DSC2: variants seen among roughly 807,000 people sequenced by gnomAD.
DSC2 encodes the protein desmocollin 2.
DSC2 carries 51 observed loss-of-function variants against 87.6 expected under a neutral mutation model. The ratio of observed to expected loss-of-function variants is 0.58; its 90% confidence interval spans 0.46 to 0.74. The LOEUF (loss-of-function observed/expected upper bound fraction) is 0.74, where lower values mean the gene tolerates loss of function less well. Ranked by LOEUF, DSC2 falls within the 30% of genes least tolerant of loss-of-function variation. The pLI is 0.00. For synonymous variants in DSC2, 383 were observed against 393.2 expected, an observed-to-expected ratio of 0.97 and a Z score of 0.31; for missense variants, 1,066 against 1,089.5, an observed-to-expected ratio of 0.98 and a Z score of 0.30.
chr18:31,073,687 C>A (rs1316093531), intron 12 of DSC2, among the ~76,000 whole-genome samples: 1 of 152,180 alleles, frequency 6.6e-6, no homozygotes, highest in Non-Finnish European at 1.5e-5. Flanking sequence ...ACCATGACAT[C>A]ATGGTCCATA....
rs1412436840 is a variant in DSC2, at chr18:31,067,654, A to G, written c.*361T>C. 1 of 234,264 alleles carries G rather than the reference A, an allele frequency of 4.3e-6. No homozygotes were observed. The highest frequency in any genetic ancestry group is 8.4e-6 in the Non-Finnish European group (1 of 119,040). The allele number at this position is 234,264 out of a possible 1,614,324, so 14.5% of individuals were successfully genotyped here. On this transcript the variant is annotated 3_prime_UTR_variant, in exon 16 of 16. Coordinates refer to ENST00000280904, the MANE Select transcript of DSC2 (RefSeq NM_024422.6). ...GATAATGTTAAAGCAAGGTCTCTAC[A>G]ATTTTCCATTAGGTTGTGCTTCAAA...
At position 31,070,759 on chromosome 18, in the gene DSC2, T is replaced by C. The variant is rs956665667; in HGVS notation, c.2217A>G (p.Val739=). The C allele has an allele frequency of 6.2e-7, 1 of 1,613,956 alleles. No homozygotes were observed. The highest frequency in any genetic ancestry group is 8.5e-7 in the Non-Finnish European group (1 of 1,179,888). Residue 739 remains valine (V), a synonymous_variant, in exon 14 of 16, where the codon GTA becomes GTG. Transcript: ENST00000280904. ...CATCTCCAGGAGCTTCTGTGTTTGA[T>C]ACAATTAGGTTCTGCTGGGCTAAAT... ...PDDLAQQNLI[V]SNTEAPGDDK...
intron 7 of DSC2, among the ~76,000 whole-genome samples, chr18:31,086,059 A>T (rs1191732211): frequency 6.6e-6 from 1 of 152,150 alleles, no homozygotes; most frequent in African/African-American, 2.4e-5. Context: ...GAATATATAA[A>T]TATCTTTTTA....
chr18:31,088,778 G>A (rs1034689793), intron 5 of DSC2, among the ~76,000 whole-genome samples: 2 of 152,060 alleles, frequency 1.3e-5, no homozygotes, highest in Non-Finnish European at 2.9e-5. Context: ...CATTGCCAGG[G>A]TACTGAGGTT....
At chr18:31,101,537 G>T in intron 1 of DSC2, 1 of 233,638 alleles carries the variant, frequency 4.3e-6, no homozygotes, top group Non-Finnish European at 8.2e-6. Flanking sequence ...CTCCCGCCCC[G>T]GCGCACTCCC....
intron 9 of DSC2, among the ~76,000 whole-genome samples, chr18:31,081,272 T>C (rs2144816631): frequency 6.6e-6 from 1 of 152,328 alleles, no homozygotes; most frequent in Middle Eastern, 3.4e-3. Context: ...TATGTGTGTC[T>C]TCCATTCCAG....
In DSC2 at chr18:31,069,151, A is replaced by G. The variant is rs1255942600; in HGVS notation, c.2251T>C (p.Tyr751His). ...TGGGTTGTGAAGCCATTCGCAGAAT[A>G]CTGAAATGAAAACAATTTGCATTAG... Reference protein sequence around the residue: ...NTEAPGDDKVYSANGFTTQTV... With the variant: ...NTEAPGDDKVHSANGFTTQTV... Residue 751 changes from tyrosine to histidine, a missense_variant and splice_region_variant, in exon 15 of 16, where the codon TAT becomes CAT. Coordinates refer to ENST00000280904, the MANE Select transcript of DSC2 (RefSeq NM_024422.6). 6.2e-7 allele frequency: 1 copy of G among 1,614,036 alleles called. No individual in the cohort carries two copies. The highest frequency in any genetic ancestry group is 1.3e-5 in the African/African-American group (1 of 74,932).
At chr18:31,073,798 A>G (rs1417672388) in intron 12 of DSC2, among the ~76,000 whole-genome samples, 1 of 152,192 alleles carries the variant, frequency 6.6e-6, no homozygotes, top group Non-Finnish European at 1.5e-5. Context: ...CATTTTTGCC[A>G]TACTTATCAC....
chr18:31,081,988 G>A (rs768620057), intron 9 of DSC2, among the ~76,000 whole-genome samples: 37 of 151,544 alleles, frequency 2.4e-4, no homozygotes, highest in Non-Finnish European at 5.2e-4. Context: ...GCTAGTTTTT[G>A]AACCATTTAA....
At chr18:31,080,407 G>A in intron 9 of DSC2, 55 bp from the exon 10 acceptor site, 1 of 1,592,224 alleles carries the variant, frequency 6.3e-7, no homozygotes, top group Non-Finnish European at 8.6e-7. Flanking sequence ...ATTTGGCAAT[G>A]CTAACGAGTA....
intron 11 of DSC2, among the ~76,000 whole-genome samples, chr18:31,079,513 C>T (rs1375583537): frequency 6.6e-6 from 1 of 152,098 alleles, no homozygotes; most frequent in Non-Finnish European, 1.5e-5. Flanking sequence ...CCTTAGCCTC[C>T]CAAAGTGCTG....
intron 1 of DSC2, among the ~76,000 whole-genome samples, chr18:31,099,052 AAAC>A (rs1383919885): frequency 6.6e-6 from 1 of 152,226 alleles, no homozygotes; most frequent in Non-Finnish European, 1.5e-5. Context: ...ACTAAAAGAA[AAAC>A]AACATTGTTT....
In DSC2 at chr18:31,087,825, G is replaced by A. The variant is rs1987457076; in HGVS notation, c.631-12C>T. 1.2e-6 allele frequency: 2 copies of A among 1,613,190 alleles called. No individual in the cohort carries two copies. Among genetic ancestry groups the A allele is most frequent in the Non-Finnish European group, 8.5e-7 (1 of 1,179,468 alleles). Reference sequence around the variant, plus strand: ...GCAAAGGCAATTATCTGTGAAGAGAGTAAAATAAGGAGAAAAGTGAAAATA... The same window carrying A: ...GCAAAGGCAATTATCTGTGAAGAGAATAAAATAAGGAGAAAAGTGAAAATA... On this transcript the variant is annotated splice_polypyrimidine_tract_variant and intron_variant, in intron 5 of 15. Coordinates refer to ENST00000280904, the MANE Select transcript of DSC2 (RefSeq NM_024422.6).
chr18:31,087,044 A>G (rs1350995469), intron 6 of DSC2, among the ~76,000 whole-genome samples: 1 of 152,152 alleles, frequency 6.6e-6, no homozygotes, highest in Non-Finnish European at 1.5e-5. Context: ...TTATTCTATA[A>G]CTTTTCTCTG....
rs913214581 is a variant in DSC2, at chr18:31,066,720, T to C, written c.*1295A>G. 2 of 152,162 alleles carry C rather than the reference T, an allele frequency of 1.3e-5. No homozygotes were observed. The highest frequency in any genetic ancestry group is 2.4e-5 in the African/African-American group (1 of 41,446). 9.4% of individuals were successfully genotyped at this position (152,162 alleles called of 1,614,324 possible). ...TTGTTTTACTGTTTTAAAATTTAAA[T>C]AGTTTGGCTCATTTCTACATTTGTT... On this transcript the variant is annotated 3_prime_UTR_variant, in exon 16 of 16. Coordinates refer to ENST00000280904, the MANE Select transcript of DSC2 (RefSeq NM_024422.6).
intron 1 of DSC2, 71 bp downstream of exon 1, chr18:31,101,825 ATCCCCGT>A: frequency 1.5e-6 from 2 of 1,305,520 alleles, no homozygotes; most frequent in Non-Finnish European, 2.0e-6. Flanking sequence ...ACCCCCACCT[ATCCCCGT>A]TCCCCTAGTT....
chr18:31,097,181 G>A (rs983209328), intron 1 of DSC2, among the ~76,000 whole-genome samples: 55 of 151,674 alleles, frequency 3.6e-4, no homozygotes, highest in African/African-American at 1.2e-3. Flanking sequence ...CCGGCTACTC[G>A]GGAGGCTGAG....
At chr18:31,091,958 A>G (rs1598591110) in intron 3 of DSC2, 143 bp downstream of exon 3, 2 of 779,286 alleles carry the variant, frequency 2.6e-6, no homozygotes, top group East Asian at 5.4e-5. Flanking sequence ...TTTTCCTTCT[A>G]AACACTGTGA....
At chr18:31,077,242 T>C (rs1249524527) in intron 11 of DSC2, among the ~76,000 whole-genome samples, 1 of 152,210 alleles carries the variant, frequency 6.6e-6, no homozygotes, top group East Asian at 1.9e-4. Flanking sequence ...ATCTGGCATA[T>C]GTTTCTATTC....
Sources: allele counts gnomAD v4.1 joint callset (sites outside exome capture counted in the v4.1 genomes callset), GRCh38; gene constraint gnomAD v4.1.1; transcripts MANE v1.5; gene names NCBI Gene and HGNC (gene_info 2026-07-23, HGNC 2026-07-21).